The following MAPK10 variants were observed in gnomAD, a reference collection of about 807,000 sequenced individuals.
The protein encoded by MAPK10 is JNK3 alpha protein kinase.
A neutral mutation model predicts 59.3 loss-of-function variants in MAPK10; 25 were observed. That is an observed-to-expected ratio of 0.42 (90% confidence interval 0.31 to 0.59). The LOEUF (loss-of-function observed/expected upper bound fraction) is 0.59. Ranked by LOEUF, MAPK10 falls within the 20% of genes least tolerant of loss-of-function variation. The pLI, the probability that MAPK10 is intolerant of heterozygous loss-of-function variation, is 0.15. For missense variants in MAPK10, 351 were observed against 568.9 expected, an observed-to-expected ratio of 0.62 and a Z score of 3.90; for synonymous variants, 190 against 200.5, an observed-to-expected ratio of 0.95 and a Z score of 0.44.
chr4:86,355,185 T>C lies in MAPK10; in HGVS notation c.-121-541A>G, dbSNP rs532625753. Among the ~76,000 whole-genome samples the C allele has an allele frequency of 5.9e-5, 9 of 152,290 alleles. No individual in the cohort carries two copies. The East Asian group carries it at 1.7e-3, about 29-fold the overall frequency. Reference sequence around the variant, plus strand: ...TATAGCCTGTTACTTCCCAACATTATATTAGACAAGATTCTTCAGAATATG... The same window carrying C: ...TATAGCCTGTTACTTCCCAACATTACATTAGACAAGATTCTTCAGAATATG... On this transcript the variant is annotated intron_variant, in intron 1 of 13. Coordinates refer to ENST00000641462, the MANE Select transcript of MAPK10 (RefSeq NM_138982.4).
intron 1 of MAPK10, among the ~76,000 whole-genome samples, chr4:86,425,526 G>A (rs996285899): frequency 3.3e-5 from 5 of 151,912 alleles, no homozygotes; most frequent in Non-Finnish European, 5.9e-5. Context: ...GTTTTTCTAA[G>A]ACCTTCTTTA....
intron 8 of MAPK10, 104 bp from the exon 9 acceptor site, chr4:86,098,699 T>C (rs755277757): frequency 1.7e-5 from 17 of 999,066 alleles, no homozygotes; most frequent in Non-Finnish European, 2.5e-5. Context: ...TGATTAAAAG[T>C]ACAATTTTCA....
intron 2 of MAPK10, among the ~76,000 whole-genome samples, chr4:86,317,428 C>A (rs2095810018): frequency 6.6e-6 from 1 of 152,154 alleles, no homozygotes; most frequent in Non-Finnish European, 1.5e-5. Context: ...AGGAAGATTT[C>A]TTTGAAGCTC....
At chr4:86,371,199 T>C (rs958698623) in intron 1 of MAPK10, among the ~76,000 whole-genome samples, 4 of 144,080 alleles carry the variant, frequency 2.8e-5, no homozygotes, top group Non-Finnish European at 6.1e-5. Context: ...ATTTTTATCA[T>C]TATTATCACA....
intron 3 of MAPK10, among the ~76,000 whole-genome samples, chr4:86,173,663 C>A (rs977350744): frequency 6.6e-6 from 1 of 151,776 alleles, no homozygotes; most frequent in East Asian, 1.9e-4. Flanking sequence ...TGGTGCACAG[C>A]AAAAGAAACT....
At chr4:86,547,153 T>C (rs1396895858) in intron 1 of MAPK10, among the ~76,000 whole-genome samples, 2 of 152,240 alleles carry the variant, frequency 1.3e-5, no homozygotes, top group Non-Finnish European at 2.9e-5. Flanking sequence ...AGGTGACAGC[T>C]TGCTGGCAGT....
At chr4:86,206,118 A>C (rs1049095279) in intron 2 of MAPK10, among the ~76,000 whole-genome samples, 5 of 151,938 alleles carry the variant, frequency 3.3e-5, no homozygotes, top group African/African-American at 1.2e-4. Flanking sequence ...ATATGTATAC[A>C]TGTGCCATGC....
intron 2 of MAPK10, among the ~76,000 whole-genome samples, chr4:86,242,303 A>C (rs2148690437): frequency 6.6e-6 from 1 of 152,264 alleles, no homozygotes; most frequent in African/African-American, 2.4e-5. Flanking sequence ...AGTGTCTGAC[A>C]ACCCCTGTTG....
chr4:86,305,064 C>T (rs987161943), intron 2 of MAPK10, among the ~76,000 whole-genome samples: 2 of 152,084 alleles, frequency 1.3e-5, no homozygotes, highest in African/African-American at 4.8e-5. Flanking sequence ...CAAAAACAAA[C>T]AAACAAAAAA....
chr4:86,037,302 C>T (rs1199248137), intron 11 of MAPK10, among the ~76,000 whole-genome samples: 2 of 152,100 alleles, frequency 1.3e-5, no homozygotes, highest in Non-Finnish European at 2.9e-5. Context: ...GGGCAGATCA[C>T]GAGGTCAGGA....
intron 3 of MAPK10, 183 bp downstream of exon 3, chr4:86,194,153 G>A: frequency 1.7e-6 from 1 of 587,610 alleles, no homozygotes; most frequent in Non-Finnish European, 3.0e-6. Flanking sequence ...CTTCTGCGTT[G>A]ATCTTGCTGG....
intron 1 of MAPK10, among the ~76,000 whole-genome samples, chr4:86,430,744 G>C (rs1033247442): frequency 6.6e-6 from 1 of 152,020 alleles, no homozygotes; most frequent in African/African-American, 2.4e-5. Context: ...AGAGGAAAGG[G>C]GACTGGCACA....
At chr4:86,554,495 C>T (rs765262915) in intron 1 of MAPK10, among the ~76,000 whole-genome samples, 3 of 152,114 alleles carry the variant, frequency 2.0e-5, no homozygotes, top group Non-Finnish European at 2.9e-5. Context: ...TCAAGTTTCC[C>T]AAGTAAAAAA....
At chr4:86,199,819 A>C (rs1010409492) in intron 2 of MAPK10, among the ~76,000 whole-genome samples, 2 of 152,030 alleles carry the variant, frequency 1.3e-5, no homozygotes, top group East Asian at 1.9e-4. Flanking sequence ...TTGTGTATGC[A>C]TGGATGTGTA....
chr4:86,066,752 C>CAAAAAA (rs60413311), intron 10 of MAPK10, among the ~76,000 whole-genome samples: 9 of 86,508 alleles, frequency 1.0e-4, no homozygotes, highest in African/African-American at 1.3e-4. Context: ...GACTCTGTCT[C>CAAAAAA]AAAAAAAAAA....
chr4:86,126,689 A>T (rs1263096672), intron 4 of MAPK10, among the ~76,000 whole-genome samples: 2 of 152,114 alleles, frequency 1.3e-5, no homozygotes, highest in Non-Finnish European at 2.9e-5. Context: ...ATAAGTATAC[A>T]TATTTATATA....
intron 9 of MAPK10, among the ~76,000 whole-genome samples, chr4:86,075,974 C>T (rs577561101): frequency 6.6e-6 from 1 of 151,762 alleles, no homozygotes; most frequent in African/African-American, 2.4e-5. Flanking sequence ...TGGGCAATGG[C>T]GGGCGCCCCT....
chr4:86,506,149 C>T (rs1369419149), intron 1 of MAPK10, among the ~76,000 whole-genome samples: 7 of 152,042 alleles, frequency 4.6e-5, no homozygotes, highest in Non-Finnish European at 8.8e-5. Flanking sequence ...GTATTACATT[C>T]CAAAAGAAAG....
chr4:86,403,875 T>C (rs1020515718), intron 1 of MAPK10, among the ~76,000 whole-genome samples: 1 of 152,120 alleles, frequency 6.6e-6, no homozygotes, highest in African/African-American at 2.4e-5. Flanking sequence ...AAGATTTCGG[T>C]AGGGACACAG....
Sources: allele counts gnomAD v4.1 joint callset (sites outside exome capture counted in the v4.1 genomes callset), GRCh38; gene constraint gnomAD v4.1.1; transcripts MANE v1.5; gene names NCBI Gene and HGNC (gene_info 2026-07-23, HGNC 2026-07-21).